COL15A1: variants seen among roughly 807,000 people sequenced by gnomAD.
The protein encoded by COL15A1 is collagen alpha-1(XV) chain.
COL15A1 carries 111 observed loss-of-function variants against 165.9 expected under a neutral mutation model. The observed-to-expected ratio is 0.67, with a 90% CI of 0.57 to 0.78. The LOEUF (loss-of-function observed/expected upper bound fraction) is 0.78, where lower values mean the gene tolerates loss of function less well. COL15A1 is among the 30% of genes least tolerant of loss of function. COL15A1 has a pLI of 0.00. For missense variants in COL15A1, 1,745 were observed against 1,789.7 expected (o/e 0.98, Z 0.45); for synonymous variants, 659 against 674.8 (o/e 0.98, Z 0.36).
chr9:98,956,812 C>G (rs1837782813), intron 2 of COL15A1, among the ~76,000 whole-genome samples: 1 of 152,220 alleles, frequency 6.6e-6, no homozygotes, highest in Non-Finnish European at 1.5e-5. Flanking sequence ...CTGGCTTCAC[C>G]CCCAGAACTC....
At chr9:98,957,797 G>A (rs1260623558) in intron 2 of COL15A1, among the ~76,000 whole-genome samples, 3 of 152,200 alleles carry the variant, frequency 2.0e-5, no homozygotes, top group Admixed American at 6.5e-5. Context: ...CTCCAGCTCA[G>A]CCTCTCAAGT....
At chr9:98,996,807 G>C in intron 5 of COL15A1, 127 bp from the exon 6 acceptor site, 1 of 1,401,280 alleles carries the variant, frequency 7.1e-7, no homozygotes, top group Non-Finnish European at 9.7e-7. Context: ...ACCAAGTGGG[G>C]CCAAGCTTTC....
intron 2 of COL15A1, 105 bp from the exon 3 acceptor site, chr9:98,985,460 G>A (rs1838292475): frequency 3.6e-6 from 4 of 1,114,892 alleles, no homozygotes; most frequent in Non-Finnish European, 5.0e-6. Flanking sequence ...CAGTTTCAGT[G>A]GGGTTCCTGA....
intron 8 of COL15A1, 62 bp from the exon 9 acceptor site, chr9:99,004,836 C>G: frequency 6.2e-7 from 1 of 1,603,958 alleles, no homozygotes; most frequent in Non-Finnish European, 8.5e-7. Context: ...CTGTTCCTTA[C>G]CACAGTGTGG....
chr9:98,987,346 T>C lies in COL15A1; in HGVS notation c.701T>C (p.Leu234Pro), dbSNP rs757560594. Residue 234 changes from leucine to proline, a missense_variant, in exon 4 of 42, where the codon CTG (leucine) becomes CCG (proline). Leu to Pro is a moderately conservative substitution (Grantham distance 98). Transcript: ENST00000375001. ...VHPDPRTPEE[L>P]CDPEESSASG... ...CCCGACCCCAGGACTCCCGAGGAGCTGTGTGACCCTGAAGAGTCCTCGGTG... is the reference window on the plus strand; with the variant it reads ...CCCGACCCCAGGACTCCCGAGGAGCCGTGTGACCCTGAAGAGTCCTCGGTG... The C allele has an allele frequency of 1.9e-6, 3 of 1,613,234 alleles. No homozygotes were observed. Among genetic ancestry groups the C allele is most frequent in the Non-Finnish European group, 2.5e-6 (3 of 1,179,632 alleles).
intron 31 of COL15A1, among the ~76,000 whole-genome samples, chr9:99,054,078 T>C (rs1825669675): frequency 6.6e-6 from 1 of 152,234 alleles, no homozygotes; most frequent in East Asian, 1.9e-4. Context: ...CAACACTTCA[T>C]GGTGGGCATT....
Position 99,047,659 on chromosome 9 carries a change from C to G in COL15A1, c.2680-127C>G, listed in dbSNP as rs1367764775. The stretch of plus-strand genomic sequence containing the variant: ...CGCAGGCAGGGGCTTCTACCTGGCT[C>G]CCTGCCCTCCTTCCTCCTGTCAGTG... On this transcript the variant is annotated intron_variant, in intron 26 of 41. Transcript: ENST00000375001. The G allele has an allele frequency of 4.1e-6, 4 of 968,104 alleles. No homozygotes were observed. In the African/African-American group the frequency reaches 6.4e-5, roughly 15 times the overall value. The allele number at this position is 968,104 out of a possible 1,614,324, so 60.0% of individuals were successfully genotyped here. A position where few individuals can be genotyped will look rare whatever the true frequency, so the allele number is the denominator to read the frequency against.
Position 98,985,972 on chromosome 9 carries a change from GGTGAGGAAGTGACCCTCCTCGTGAACT to G in COL15A1, c.516_542del (p.Val173_Glu181del). 6.2e-7 allele frequency: 1 copy of G among 1,614,114 alleles called. No homozygotes were observed. The highest frequency in any genetic ancestry group is 8.5e-7 in the Non-Finnish European group (1 of 1,180,028). ...GAACCGCTTCGCCATGATTGTCCAG[GGTGAGGAAGTGACCCTCCTCGTGAACT>G]GTGAGGAGCACAGCCGCATCCCCTT... On this transcript the variant is annotated inframe_deletion, in exon 3 of 42. Coordinates refer to ENST00000375001, the MANE Select transcript of COL15A1 (RefSeq NM_001855.5).
At chr9:99,023,718 C>T (rs1374077084) in intron 14 of COL15A1, among the ~76,000 whole-genome samples, 2 of 152,208 alleles carry the variant, frequency 1.3e-5, no homozygotes, top group Non-Finnish European at 2.9e-5. Context: ...CCCTGGTGGG[C>T]TTCTTGAGCA....
At chr9:98,961,011 T>C (rs1407301321) in intron 2 of COL15A1, among the ~76,000 whole-genome samples, 3 of 152,208 alleles carry the variant, frequency 2.0e-5, no homozygotes, top group Non-Finnish European at 4.4e-5. Context: ...CATAATCTGA[T>C]GTGGGGAAAG....
intron 2 of COL15A1, among the ~76,000 whole-genome samples, chr9:98,951,768 G>A (rs922997392): frequency 6.6e-6 from 1 of 152,132 alleles, no homozygotes; most frequent in African/African-American, 2.4e-5. Flanking sequence ...GTGTTGCCCA[G>A]GCTGGTCTAA....
At chr9:99,022,066 T>A (rs889032323) in intron 12 of COL15A1, 25 bp from the exon 13 acceptor site, 1 of 1,613,646 alleles carries the variant, frequency 6.2e-7, no homozygotes, top group Non-Finnish European at 8.5e-7. Flanking sequence ...TTCCAGCCGT[T>A]CACTGACCAT....
intron 30 of COL15A1, among the ~76,000 whole-genome samples, chr9:99,052,117 G>A (rs539435140): frequency 1.3e-5 from 2 of 152,306 alleles, no homozygotes; most frequent in South Asian, 4.1e-4. Context: ...TAAAGCTTTG[G>A]GCTTCCTTAT....
At chr9:99,059,983 A>G in intron 36 of COL15A1, 30 bp downstream of exon 36, 1 of 1,609,064 alleles carries the variant, frequency 6.2e-7, no homozygotes, top group Non-Finnish European at 8.5e-7. Flanking sequence ...TGTAGTCATC[A>G]TTCCATTTGG....
In COL15A1 at chr9:99,055,996, A is replaced by G. The variant is rs77443204; in HGVS notation, c.3193-264A>G. Among the ~76,000 whole-genome samples, 471 of 152,312 alleles carry G rather than the reference A, an allele frequency of 3.1e-3. 1 individual carries two copies. Among genetic ancestry groups the G allele is most frequent in the African/African-American group, 8.9e-3 (369 of 41,570 alleles). On this transcript the variant is annotated intron_variant, in intron 34 of 41. Transcript: ENST00000375001. Reference sequence around the variant, plus strand: ...CTGGGCTTCAGTGTCTCCATCTGTGAAATGCAAAGGCTAGACTAGATGATC... The same window carrying G: ...CTGGGCTTCAGTGTCTCCATCTGTGGAATGCAAAGGCTAGACTAGATGATC...
intron 9 of COL15A1, among the ~76,000 whole-genome samples, chr9:99,013,550 G>GAAAA (rs77981050): frequency 7.4e-6 from 1 of 134,802 alleles, no homozygotes; most frequent in African/African-American, 2.7e-5. Flanking sequence ...CTTCCTAGGA[G>GAAAA]AAAAAAAAAA....
At chr9:99,048,189 A>G (rs117599390) in intron 28 of COL15A1, among the ~76,000 whole-genome samples, 189 bp downstream of exon 28, 3,732 of 152,224 alleles carry the variant, frequency 0.025, 72 homozygotes, top group Middle Eastern at 0.041. Flanking sequence ...TGCCACCTAA[A>G]ACACCTTAGT....
Position 99,044,745 on chromosome 9 carries a change from G to A in COL15A1, c.2654G>A (p.Gly885Glu), listed in dbSNP as rs778280604. Residue 885 changes from glycine (G) to glutamate (E), a missense_variant, in exon 26 of 42, where the codon GGA becomes GAA. Gly to Glu is a moderately conservative substitution (Grantham distance 98). Coordinates refer to ENST00000375001, the MANE Select transcript of COL15A1 (RefSeq NM_001855.5). The stretch of plus-strand genomic sequence containing the variant: ...ATCTTCCTGTTTTAGGGTGAACCTG[G>A]AATGCATGGAGCCCCAGGACCAATG... ...ERLMGKKGEP[G>E]MHGAPGPMGP... 8 of 1,613,942 alleles carry A rather than the reference G, an allele frequency of 5.0e-6. No individual in the cohort carries two copies. In the East Asian group the frequency reaches 1.8e-4, roughly 36 times the overall value.
chr9:99,066,250 C>T (rs1367382233), intron 39 of COL15A1, among the ~76,000 whole-genome samples: 2 of 152,068 alleles, frequency 1.3e-5, no homozygotes, highest in East Asian at 1.9e-4. Context: ...AAATAGACTA[C>T]GGATTGGTTT....
Sources: gnomAD v4.1 joint callset for allele counts (sites outside exome capture counted in the v4.1 genomes callset) on GRCh38, gnomAD v4.1.1 for gene constraint, MANE v1.5 for transcripts, NCBI Gene and HGNC (gene_info 2026-07-23, HGNC 2026-07-21) for gene names.